Variants in DIS3L2 observed in about 807,000 individuals in gnomAD.
DIS3L2 encodes DIS3 like 3'-5' exoribonuclease 2, also known as DIS3-like exonuclease 2.
In DIS3L2, 34 loss-of-function variants were observed where a neutral mutation model predicts 97.5. That is an observed-to-expected ratio of 0.35 (90% CI 0.27 to 0.46). DIS3L2 has a LOEUF of 0.46. Ranked by LOEUF, DIS3L2 falls within the 20% of genes least tolerant of loss-of-function variation. The probability of loss-of-function intolerance (pLI) is 1.00; values close to 1 mark genes in which losing one functional copy is unlikely to be tolerated. For synonymous variants in DIS3L2, 435 were observed against 445.2 expected, an observed-to-expected ratio of 0.98 and a Z score of 0.29; for missense variants, 1,038 against 1,146.0, an observed-to-expected ratio of 0.91 and a Z score of 1.36.
chr2:232,184,332 GA>G (rs1320531492), intron 9 of DIS3L2, among the ~76,000 whole-genome samples: 4 of 152,178 alleles, frequency 2.6e-5, no homozygotes, highest in Admixed American at 2.6e-4. Flanking sequence ...GAAAATAACA[GA>G]AAGAGTGAAA....
chr2:232,168,313 T>C (rs927854067), intron 9 of DIS3L2, among the ~76,000 whole-genome samples: 1 of 152,190 alleles, frequency 6.6e-6, no homozygotes, highest in African/African-American at 2.4e-5. Flanking sequence ...TTTCCTAAAG[T>C]ATCTGATAGG....
intron 1 of DIS3L2, among the ~76,000 whole-genome samples, chr2:231,968,827 A>G (rs1422958984): frequency 1.3e-5 from 2 of 152,280 alleles, no homozygotes; most frequent in Non-Finnish European, 2.9e-5. Flanking sequence ...TTTTGGTGCT[A>G]TTTGATATGG....
At chr2:232,087,148 C>T (rs190933554) in intron 5 of DIS3L2, among the ~76,000 whole-genome samples, 34 of 152,034 alleles carry the variant, frequency 2.2e-4, no homozygotes, top group Admixed American at 1.7e-3. Flanking sequence ...ACTAATTGTT[C>T]CTATATGGTG....
chr2:232,053,941 T>C (rs1040077434), intron 5 of DIS3L2, among the ~76,000 whole-genome samples: 4 of 152,184 alleles, frequency 2.6e-5, no homozygotes, highest in Non-Finnish European at 5.9e-5. Context: ...GGGGTGGGGC[T>C]GAAAGTTCCA....
intron 12 of DIS3L2, among the ~76,000 whole-genome samples, chr2:232,258,425 A>T (rs950089376): frequency 6.6e-6 from 1 of 152,150 alleles, no homozygotes; most frequent in African/African-American, 2.4e-5. Flanking sequence ...TCTACTAAAA[A>T]TACAGAAAAT....
intron 10 of DIS3L2, among the ~76,000 whole-genome samples, chr2:232,236,642 A>G (rs1411594746): frequency 2.0e-5 from 3 of 152,218 alleles, no homozygotes; most frequent in Admixed American, 6.5e-5. Context: ...ATCATTTATC[A>G]ATACAACAAG....
At chr2:232,273,980 A>G (rs1460152130) in intron 13 of DIS3L2, among the ~76,000 whole-genome samples, 1 of 152,180 alleles carries the variant, frequency 6.6e-6, no homozygotes, top group South Asian at 2.1e-4. Flanking sequence ...TTTAATGGAG[A>G]TAATTCCCAT....
chr2:232,316,709 C>T (rs1445720522), intron 14 of DIS3L2, among the ~76,000 whole-genome samples: 4 of 152,216 alleles, frequency 2.6e-5, no homozygotes, highest in Non-Finnish European at 5.9e-5. Flanking sequence ...CTTCATGTTT[C>T]AAAGACATAA....
intron 1 of DIS3L2, among the ~76,000 whole-genome samples, chr2:231,981,151 G>A (rs1390359714): frequency 6.6e-6 from 1 of 152,022 alleles, no homozygotes; most frequent in Non-Finnish European, 1.5e-5. Context: ...TCCATGTTGG[G>A]CAGGCTAGTC....
chr2:232,076,895 C>T (rs1047404313), intron 5 of DIS3L2, among the ~76,000 whole-genome samples: 3 of 152,238 alleles, frequency 2.0e-5, no homozygotes, highest in Non-Finnish European at 2.9e-5. Flanking sequence ...GTCTCTGACC[C>T]GGCAAGTGTT....
intron 6 of DIS3L2, among the ~76,000 whole-genome samples, chr2:232,095,419 A>G (rs1173728096): frequency 6.6e-6 from 1 of 152,246 alleles, no homozygotes; most frequent in Non-Finnish European, 1.5e-5. Context: ...TAAATAAATA[A>G]GCAAAAAGAA....
downstream of DIS3L2, among the ~76,000 whole-genome samples, chr2:232,338,567 T>C (rs960927791): frequency 3.4e-5 from 5 of 147,890 alleles, no homozygotes; most frequent in African/African-American, 9.8e-5. Flanking sequence ...GTCAGGTCTC[T>C]GCCTCCAGTG....
intron 8 of DIS3L2, among the ~76,000 whole-genome samples, chr2:232,157,238 G>T (rs1325611760): frequency 6.6e-6 from 1 of 152,158 alleles, no homozygotes; most frequent in African/African-American, 2.4e-5. Context: ...TGAGCATTAT[G>T]TAGGCAAAAC....
rs1006547012 is a variant in DIS3L2 at position 232,231,743 on chromosome 2, C to T, written c.1205-6790C>T. Among the ~76,000 whole-genome samples the T allele has an allele frequency of 3.3e-5, 5 of 152,340 alleles. 1 individual carries two copies. Among genetic ancestry groups the T allele is most frequent in the Admixed American group, 3.3e-4 (5 of 15,310 alleles). The stretch of plus-strand genomic sequence containing the variant: ...ATCCTTTCAGCCCAGAGCAGCAGGG[C>T]GCCTGCCCTGTATTTTTTGTTACTT... On this transcript the variant is annotated intron_variant, in intron 10 of 20. Transcript: ENST00000325385.
intron 13 of DIS3L2, 43 bp from the exon 14 acceptor site, chr2:232,299,997 G>T: frequency 6.4e-7 from 1 of 1,573,974 alleles, no homozygotes; most frequent in Non-Finnish European, 8.7e-7. Flanking sequence ...AATGAATAGA[G>T]CATGCTGCCT....
chr2:232,158,523 C>G lies in DIS3L2; in HGVS notation c.951-4936C>G, dbSNP rs546485738. Among the ~76,000 whole-genome samples the G allele has an allele frequency of 1.4e-4, 22 of 152,290 alleles. No homozygotes were observed. In the South Asian group the frequency reaches 4.1e-3, roughly 29 times the overall value. ...CTTTTTTGTTGGACATACTAAGTCC[C>G]TAACTTTCAGTCTTAGAAATGAGGA... On this transcript the variant is annotated intron_variant, in intron 8 of 20. Transcript: ENST00000325385.
At chr2:232,321,431 C>A (rs1327282545) in intron 14 of DIS3L2, among the ~76,000 whole-genome samples, 1 of 152,168 alleles carries the variant, frequency 6.6e-6, no homozygotes, top group Non-Finnish European at 1.5e-5. Context: ...CAGCTGTCAC[C>A]CAGGGGCCAT....
chr2:232,133,647 T>C (rs1298742473), intron 7 of DIS3L2, among the ~76,000 whole-genome samples: 1 of 152,114 alleles, frequency 6.6e-6, no homozygotes, highest in African/African-American at 2.4e-5. Flanking sequence ...TTAAAAACTT[T>C]CTTGAAACCT....
chr2:232,334,286 C>T, intron 17 of DIS3L2, 83 bp from the exon 18 acceptor site: 1 of 1,485,636 alleles, frequency 6.7e-7, no homozygotes, highest in South Asian at 1.2e-5. Context: ...GGCGGGGGTG[C>T]AGCGCCATGC....
Sources: gnomAD v4.1 joint callset for allele counts (sites outside exome capture counted in the v4.1 genomes callset) on GRCh38, gnomAD v4.1.1 for gene constraint, MANE v1.5 for transcripts, NCBI Gene and HGNC (gene_info 2026-07-23, HGNC 2026-07-21) for gene names.